Variants in CLU observed in about 807,000 individuals in gnomAD.
The protein encoded by CLU is aging-associated protein 4.
A neutral mutation model predicts 46.4 loss-of-function variants in CLU; 25 were observed. That is an observed-to-expected ratio of 0.54 (90% confidence interval 0.39 to 0.75). The LOEUF (loss-of-function observed/expected upper bound fraction) is 0.75, where lower values mean the gene tolerates loss of function less well. Among genes scored for constraint, CLU ranks in the 30% least tolerant of loss-of-function variants. The pLI is 0.00. For synonymous variants in CLU, 235 were observed against 235.1 expected (o/e 1.00, Z 0.00); for missense variants, 504 against 592.1 (o/e 0.85, Z 1.54).
At chr8:27,610,334 C>T (rs535055846) in intron 2 of CLU, 141 bp downstream of exon 2, 122 of 743,380 alleles carry the variant, frequency 1.6e-4, no homozygotes, top group Non-Finnish European at 2.5e-4. Context: ...GGCCCAGACA[C>T]AGGCACCCAG....
intron 6 of CLU, among the ~76,000 whole-genome samples, chr8:27,603,081 C>T (rs1800751188): frequency 6.6e-6 from 1 of 152,152 alleles, no homozygotes; most frequent in Non-Finnish European, 1.5e-5. Flanking sequence ...GCACTCTCAA[C>T]TGTAATCAAT....
chr8:27,603,408 G>A (rs1199162801), intron 6 of CLU, among the ~76,000 whole-genome samples: 1 of 152,184 alleles, frequency 6.6e-6, no homozygotes, highest in Admixed American at 6.5e-5. Flanking sequence ...GCCTGCCATG[G>A]CAAACTCAAA....
Position 27,599,551 on chromosome 8 carries a change from T to C in CLU, c.1164+229A>G, listed in dbSNP as rs1055381638. 31 of 550,736 alleles carry C rather than the reference T, an allele frequency of 5.6e-5. No homozygotes were observed. Among genetic ancestry groups the C allele is most frequent in the South Asian group, 3.0e-4 (14 of 47,250 alleles). The allele number at this position is 550,736 out of a possible 1,614,324, so 34.1% of individuals were successfully genotyped here. ...GGTTCAAATACCCGTCCAAGTCATC[T>C]GTCAGCTATCACACCTTGGCCAAGC... On this transcript the variant is annotated intron_variant, in intron 7 of 8. Coordinates refer to ENST00000316403, the MANE Select transcript of CLU (RefSeq NM_001831.4). This position sits in a 1 kb window ranked among gnomAD's most constrained non-coding sequence, Gnocchi z 4.0.
At chr8:27,607,569 A>G (rs1456354119) in intron 3 of CLU, among the ~76,000 whole-genome samples, 1 of 152,136 alleles carries the variant, frequency 6.6e-6, no homozygotes, top group Non-Finnish European at 1.5e-5. Flanking sequence ...TTTGAATATT[A>G]TATGTTAAAA....
At position 27,613,804 on chromosome 8, in the gene CLU, CTT is replaced by C. The variant is rs1390280455; in HGVS notation, c.-30+849_-30+850del. 2.6e-5 allele frequency: 4 copies of C among 152,320 alleles called. No homozygotes were observed. The South Asian group carries it at 8.3e-4, about 32-fold the overall frequency. The allele number at this position is 152,320 out of a possible 1,614,324, so 9.4% of individuals were successfully genotyped here. ...GCCCAATGCTCCACTATTATTATAACTTAACATTTTCATGGGCATCTTTTTTT... is the reference window on the plus strand; with the variant it reads ...GCCCAATGCTCCACTATTATTATAACAACATTTTCATGGGCATCTTTTTTT... On this transcript the variant is annotated intron_variant, in intron 1 of 8. Coordinates refer to ENST00000316403, the MANE Select transcript of CLU (RefSeq NM_001831.4).
At chr8:27,598,866 G>C (rs1256125744) in intron 7 of CLU, 4 of 571,816 alleles carry the variant, frequency 7.0e-6, no homozygotes, top group Non-Finnish European at 1.2e-5. Context: ...CAAATGACCA[G>C]CCCAGGGAGC....
At position 27,606,408 on chromosome 8, in the gene CLU, G is replaced by A. The variant is rs1474414147; in HGVS notation, c.363C>T (p.Cys121=). ...TGCAGACGCGTGCGTAGAACTTCAT[G>A]CAGGTCTGTTTCAGGCAGGGCTTAC... ...EECKPCLKQT[C]MKFYARVCRS... is the part of the protein sequence containing the mutation. Residue 121 remains cysteine (C), a synonymous_variant, in exon 4 of 9, where the codon TGC becomes TGT. Coordinates refer to ENST00000316403, the MANE Select transcript of CLU (RefSeq NM_001831.4). 1 of 1,614,218 alleles carries A rather than the reference G, an allele frequency of 6.2e-7. No homozygotes were observed. Among genetic ancestry groups the A allele is most frequent in the Admixed American group, 1.7e-5 (1 of 60,028 alleles).
chr8:27,598,359 C>T, intron 8 of CLU, 101 bp downstream of exon 8: 4 of 1,594,644 alleles, frequency 2.5e-6, no homozygotes, highest in Non-Finnish European at 3.4e-6. Context: ...CGGGCGGAGT[C>T]GTTCCCACCA....
intron 1 of CLU, 146 bp from the exon 2 acceptor site, chr8:27,610,746 T>TG: frequency 1.5e-6 from 1 of 651,354 alleles, no homozygotes. Context: ...CCTGAGGAAA[T>TG]GGGGGGAAAT....
rs982521598 is a variant in CLU, at chr8:27,598,538, A to G, written c.1262T>C (p.Val421Ala). 15 of 1,614,024 alleles carry G rather than the reference A, an allele frequency of 9.3e-6. No homozygotes were observed. The highest frequency in any genetic ancestry group is 1.3e-5 in the Non-Finnish European group (15 of 1,179,944). Residue 421 changes from valine (V) to alanine (A), a missense_variant, in exon 8 of 9, where the codon GTA (valine) becomes GCA (alanine). By Grantham distance (64) the Val-to-Ala change is moderately conservative (BLOSUM62 0). Transcript: ENST00000316403. ...DSDPITVTVP[V>A]EVSRKNPKFM... The stretch of plus-strand genomic sequence containing the variant: ...TTTAGGGTTCTTCCTGGAGACTTCT[A>G]CAGGGACCGTCACAGTGATGGGATC...
intron 1 of CLU, chr8:27,610,870 A>G (rs1800914517): frequency 2.3e-6 from 1 of 440,974 alleles, no homozygotes; most frequent in Admixed American, 3.5e-5. Flanking sequence ...GCATCGGAGG[A>G]ACCAGGCTCT....
At chr8:27,604,039 G>A (rs1330377098) in intron 6 of CLU, among the ~76,000 whole-genome samples, 1 of 152,232 alleles carries the variant, frequency 6.6e-6, no homozygotes, top group African/African-American at 2.4e-5. Context: ...CGACCAGGTG[G>A]AGGGCACTTT....
Position 27,598,240 on chromosome 8 carries a change from C to A in CLU, c.*1G>T. The A allele has an allele frequency of 6.2e-7, 1 of 1,613,958 alleles. No homozygotes were observed. The highest frequency in any genetic ancestry group is 8.5e-7 in the Non-Finnish European group (1 of 1,179,926). On this transcript the variant is annotated 3_prime_UTR_variant, in exon 9 of 9. Transcript: ENST00000316403. ...GTAGGTGCAAAAGCAACATCCACAT[C>A]TCACTCCTCCCTGAAATAAAAAACA...
chr8:27,601,243 G>T (rs1281798259), intron 6 of CLU, among the ~76,000 whole-genome samples: 1 of 152,184 alleles, frequency 6.6e-6, no homozygotes, highest in Non-Finnish European at 1.5e-5. Context: ...GAGAGACAGG[G>T]TTTCACCATG....
At chr8:27,613,929 A>C (rs1309926298) in intron 1 of CLU, 1 of 152,214 alleles carries the variant, frequency 6.6e-6, no homozygotes, top group Non-Finnish European at 1.5e-5. Flanking sequence ...AAATTCTGGA[A>C]GGTCAAGAGG....
chr8:27,608,136 C>G (rs1433240678), intron 3 of CLU, among the ~76,000 whole-genome samples: 1 of 152,134 alleles, frequency 6.6e-6, no homozygotes, highest in Non-Finnish European at 1.5e-5. Context: ...CACATCCAGG[C>G]CAGCAATCCC....
intron 2 of CLU, 121 bp from the exon 3 acceptor site, chr8:27,609,207 C>G (rs1800878796): frequency 1.9e-6 from 2 of 1,059,100 alleles, no homozygotes; most frequent in South Asian, 2.5e-5. Flanking sequence ...CTGGGACCCC[C>G]ACTCCTGCCA....
chr8:27,607,032 A>G (rs985255488), intron 3 of CLU, among the ~76,000 whole-genome samples: 2 of 152,212 alleles, frequency 1.3e-5, no homozygotes, highest in Non-Finnish European at 2.9e-5. Flanking sequence ...ACTTGACCCA[A>G]TAATTCTGTA....
chr8:27,611,122 GC>G, intron 1 of CLU: 1 of 442,162 alleles, frequency 2.3e-6, no homozygotes, highest in East Asian at 7.0e-5. Context: ...CAGCGCTGCA[GC>G]CCCCAGGGAG....
Sources: gnomAD v4.1 joint callset for allele counts (sites outside exome capture counted in the v4.1 genomes callset) on GRCh38, gnomAD v4.1.1 for gene constraint, Gnocchi (gnomAD v3.1) non-coding constraint, MANE v1.5 for transcripts, NCBI Gene and HGNC (gene_info 2026-07-23, HGNC 2026-07-21) for gene names.